Variants in CARMIL1 observed in about 807,000 individuals in gnomAD.
CARMIL1 encodes the protein F-actin-uncapping protein LRRC16A.
Under a neutral mutation model 177.1 loss-of-function variants are expected in CARMIL1, and 90 were observed. The ratio of observed to expected loss-of-function variants is 0.51; its 90% CI spans 0.43 to 0.61. The LOEUF is 0.61. Among genes scored for constraint, CARMIL1 ranks in the 20% least tolerant of loss-of-function variants. CARMIL1 has a pLI of 0.00. For synonymous variants in CARMIL1, 577 were observed against 606.2 expected, an observed-to-expected ratio of 0.95 and a Z score of 0.71; for missense variants, 1,380 against 1,667.0, an observed-to-expected ratio of 0.83 and a Z score of 3.00.
In CARMIL1 at chr6:25,533,526, G is replaced by GT. The variant is rs796700152; in HGVS notation, c.2068-4321dup. 2.8e-4 allele frequency among the ~76,000 whole-genome samples: 43 copies of GT among 151,728 alleles called. No individual in the cohort carries two copies. In the South Asian group the frequency reaches 4.6e-3, roughly 16 times the overall value. ...GCTTCTTACCAGTAAACATTAATGG[G>GT]TTTTTTTTGGCTGTTATTTTTATTA... is the stretch of plus-strand genomic sequence containing the variant. On this transcript the variant is annotated intron_variant, in intron 24 of 36. Transcript: ENST00000329474.
chr6:25,490,772 T>C (rs189364197), intron 13 of CARMIL1, among the ~76,000 whole-genome samples: 54 of 152,228 alleles, frequency 3.5e-4, no homozygotes, highest in Admixed American at 5.9e-4. Flanking sequence ...AATGTCATTC[T>C]GTGTGTATGG....
chr6:25,400,805 G>T (rs1259258407), intron 2 of CARMIL1, among the ~76,000 whole-genome samples: 1 of 152,100 alleles, frequency 6.6e-6, no homozygotes, highest in Non-Finnish European at 1.5e-5. Context: ...AAAACCAATT[G>T]TTCCTAGAAT....
chr6:25,618,109 T>G (rs1178314425), intron 36 of CARMIL1, among the ~76,000 whole-genome samples: 1 of 152,202 alleles, frequency 6.6e-6, no homozygotes, highest in East Asian at 1.9e-4. Context: ...ATTTAAATTT[T>G]TATTGTCTAA....
intron 9 of CARMIL1, among the ~76,000 whole-genome samples, chr6:25,469,855 A>G (rs1235246454): frequency 6.6e-6 from 1 of 152,198 alleles, no homozygotes; most frequent in Non-Finnish European, 1.5e-5. Flanking sequence ...ACAAGCCAAA[A>G]TGACTTTTTA....
chr6:25,474,233 G>A (rs551086182), intron 11 of CARMIL1, among the ~76,000 whole-genome samples: 33 of 151,010 alleles, frequency 2.2e-4, no homozygotes, highest in African/African-American at 7.8e-4. Flanking sequence ...TCAGCCTCCC[G>A]AGTAGCTGGG....
intron 2 of CARMIL1, among the ~76,000 whole-genome samples, chr6:25,399,454 TG>T (rs1562086923): frequency 1.3e-5 from 2 of 152,194 alleles, no homozygotes; most frequent in African/African-American, 4.8e-5. Flanking sequence ...GTTTGGTGAC[TG>T]GATATGAGGC....
At chr6:25,548,489 A>G (rs1809750867) in intron 26 of CARMIL1, among the ~76,000 whole-genome samples, 2 of 152,122 alleles carry the variant, frequency 1.3e-5, no homozygotes, top group African/African-American at 4.8e-5. Flanking sequence ...TATCATATGT[A>G]TTGTATAGGT....
At chr6:25,580,652 C>T (rs577787638) in intron 29 of CARMIL1, among the ~76,000 whole-genome samples, 100 of 152,298 alleles carry the variant, frequency 6.6e-4, no homozygotes, top group African/African-American at 2.4e-3. Flanking sequence ...CATCCTCTTA[C>T]ACAGCTTGGA....
chr6:25,402,533 T>C (rs1033156662), intron 2 of CARMIL1, among the ~76,000 whole-genome samples: 3 of 152,246 alleles, frequency 2.0e-5, no homozygotes, highest in Non-Finnish European at 4.4e-5. Flanking sequence ...TTGTACTTAC[T>C]TTATAATTCA....
At chr6:25,501,470 G>A (rs967080538) in intron 17 of CARMIL1, among the ~76,000 whole-genome samples, 1 of 152,172 alleles carries the variant, frequency 6.6e-6, no homozygotes, top group Non-Finnish European at 1.5e-5. Flanking sequence ...CCAATGGATT[G>A]TTAGGAAGTT....
chr6:25,420,561 GGT>G (rs3034194), intron 3 of CARMIL1, among the ~76,000 whole-genome samples: 89,965 of 151,266 alleles, frequency 0.59, 26,722 homozygotes, highest in Middle Eastern at 0.61. Flanking sequence ...TATTTCCTTC[GGT>G]GATCCGAAGT....
rs115919946 is a variant in CARMIL1 at position 25,393,876 on chromosome 6, A to T, written c.139-26238A>T. On this transcript the variant is annotated intron_variant, in intron 2 of 36. Transcript: ENST00000329474. ...ATCTCTTAAAGAAAAAAGAAAAGAAAGATCATGATTGTTGTTGCTATTGTT... is the reference window on the plus strand; with the variant it reads ...ATCTCTTAAAGAAAAAAGAAAAGAATGATCATGATTGTTGTTGCTATTGTT... Among the ~76,000 whole-genome samples, 884 of 152,276 alleles carry T rather than the reference A, an allele frequency of 5.8e-3. 8 individuals carry two copies. Among genetic ancestry groups the T allele is most frequent in the African/African-American group, 0.02 (825 of 41,558 alleles).
At chr6:25,603,362 T>A (rs1453946763) in intron 33 of CARMIL1, among the ~76,000 whole-genome samples, 1 of 152,204 alleles carries the variant, frequency 6.6e-6, no homozygotes, top group Non-Finnish European at 1.5e-5. Context: ...CTCCTGGAGA[T>A]CTGTTCAGCA....
chr6:25,346,863 A>G (rs1169515345), intron 2 of CARMIL1, among the ~76,000 whole-genome samples: 2 of 152,246 alleles, frequency 1.3e-5, no homozygotes, highest in Non-Finnish European at 1.5e-5. Context: ...ATTTAAAAGC[A>G]TAATATTAGG....
chr6:25,457,640 A>AT (rs1350308426), intron 8 of CARMIL1, among the ~76,000 whole-genome samples: 4 of 152,194 alleles, frequency 2.6e-5, no homozygotes, highest in Admixed American at 2.0e-4. Context: ...AGGAAATGAT[A>AT]ATGCTAGGCT....
In CARMIL1 at chr6:25,609,327, ATGG is replaced by A. The variant is rs1255191156; in HGVS notation, c.3848-719_3848-717del. Among the ~76,000 whole-genome samples, 12 of 152,076 alleles carry A rather than the reference ATGG, an allele frequency of 7.9e-5. No individual in the cohort carries two copies. In the East Asian group the frequency reaches 2.1e-3, roughly 27 times the overall value. On this transcript the variant is annotated intron_variant, in intron 35 of 36. Transcript: ENST00000329474. ...TAAAAATACAAAAAATTAGCCTGGC[ATGG>A]TGGCACGTGCCTGTAATCCCAGCTA... is the stretch of plus-strand genomic sequence containing the variant.
At chr6:25,312,139 A>C (rs557989957) in intron 2 of CARMIL1, among the ~76,000 whole-genome samples, 23 of 152,258 alleles carry the variant, frequency 1.5e-4, no homozygotes, top group African/African-American at 5.5e-4. Context: ...AAGGATTAAA[A>C]ACCTTTTTGT....
At chr6:25,421,315 C>T (rs1795830082) in intron 3 of CARMIL1, among the ~76,000 whole-genome samples, 1 of 152,028 alleles carries the variant, frequency 6.6e-6, no homozygotes, top group African/African-American at 2.4e-5. Flanking sequence ...AAATCAAAAC[C>T]ACAATGAGAT....
At chr6:25,404,258 G>A (rs1794153340) in intron 2 of CARMIL1, among the ~76,000 whole-genome samples, 1 of 152,218 alleles carries the variant, frequency 6.6e-6, no homozygotes, top group Non-Finnish European at 1.5e-5. Flanking sequence ...AGAGAGGGAA[G>A]TTGGGGCTTC....
Sources: gnomAD v4.1 joint callset for allele counts (sites outside exome capture counted in the v4.1 genomes callset) on GRCh38, gnomAD v4.1.1 for gene constraint, MANE v1.5 for transcripts, NCBI Gene and HGNC (gene_info 2026-07-23, HGNC 2026-07-21) for gene names.